Variants in PCDHGB3 observed in about 807,000 individuals in gnomAD.
PCDHGB3 encodes protocadherin gamma subfamily B, 3.
A neutral mutation model predicts 59.2 loss-of-function variants in PCDHGB3; 40 were observed. That is an observed-to-expected ratio of 0.68 (90% CI 0.52 to 0.88). PCDHGB3 has a LOEUF of 0.88. PCDHGB3 is among the 40% of genes least tolerant of loss of function. The pLI, the probability that PCDHGB3 is intolerant of heterozygous loss-of-function variation, is 0.00. For synonymous variants in PCDHGB3, 581 were observed against 503.6 expected (o/e 1.15, Z -2.06); for missense variants, 1,309 against 1,187.9 (o/e 1.10, Z -1.50).
In PCDHGB3 at chr5:141,375,771, T is replaced by C. The variant is rs570278414; in HGVS notation, c.2415+2962T>C. ...CAGAATGACAATGCGCCCGAGATCC[T>C]GTACCCCGCCCTCCCCACAGACGGT... On this transcript the variant is annotated intron_variant, in intron 1 of 3. Transcript: ENST00000576222. 16 of 1,614,130 alleles carry C rather than the reference T, an allele frequency of 9.9e-6. No individual in the cohort carries two copies. Among genetic ancestry groups the C allele is most frequent in the Middle Eastern group, 1.6e-4 (1 of 6,084 alleles).
rs751905674 is a variant in PCDHGB3, at chr5:141,408,643, C to A, written c.2415+35834C>A. On this transcript the variant is annotated intron_variant, in intron 1 of 3. Coordinates refer to ENST00000576222, the MANE Select transcript of PCDHGB3 (RefSeq NM_018924.5). ...ATTTAGAAATTTTCGAATCTGCATCCGCTGGTACACGACTATCGCTTGACC... is the reference window on the plus strand; with the variant it reads ...ATTTAGAAATTTTCGAATCTGCATCAGCTGGTACACGACTATCGCTTGACC... 13 of 1,613,792 alleles carry A rather than the reference C, an allele frequency of 8.1e-6. No homozygotes were observed. The African/African-American group carries it at 1.6e-4, about 20-fold the overall frequency.
intron 1 of PCDHGB3, among the ~76,000 whole-genome samples, chr5:141,462,771 G>C (rs1295560657): frequency 6.6e-6 from 1 of 152,088 alleles, no homozygotes; most frequent in Non-Finnish European, 1.5e-5. Context: ...CTGGCTTGGG[G>C]TCATAATTTG....
At chr5:141,418,891 C>T in intron 1 of PCDHGB3, 2 of 1,613,842 alleles carry the variant, frequency 1.2e-6, no homozygotes, top group South Asian at 2.2e-5. Flanking sequence ...ACGACAACAG[C>T]CCAGAAATAA....
intron 1 of PCDHGB3, among the ~76,000 whole-genome samples, chr5:141,438,792 G>T (rs2098065674): frequency 6.7e-6 from 1 of 149,346 alleles, no homozygotes. Flanking sequence ...CTCTCCAGTA[G>T]CTGGGATTAC....
At chr5:141,403,219 G>A in intron 1 of PCDHGB3, 1 of 1,613,980 alleles carries the variant, frequency 6.2e-7, no homozygotes, top group South Asian at 1.1e-5. Flanking sequence ...CCGCGGGTAG[G>A]ATAGACCGGG....
chr5:141,431,474 G>T lies in PCDHGB3; in HGVS notation c.2415+58665G>T, dbSNP rs747313827. 3.7e-6 allele frequency: 6 copies of T among 1,613,842 alleles called. No homozygotes were observed. The South Asian group carries it at 6.6e-5, about 18-fold the overall frequency. ...GATGGTTCTGGATGCGAACGACAAC[G>T]CACCAGCGTTTGCTCAGCCCGAGTA... is the stretch of plus-strand genomic sequence containing the variant. On this transcript the variant is annotated intron_variant, in intron 1 of 3. Transcript: ENST00000576222. The surrounding 1 kb of genome is among the most constrained non-coding windows in gnomAD (Gnocchi z 4.8).
At chr5:141,465,905 G>C (rs938438286) in intron 1 of PCDHGB3, among the ~76,000 whole-genome samples, 8 of 151,958 alleles carry the variant, frequency 5.3e-5, no homozygotes, top group Non-Finnish European at 8.8e-5. Context: ...GGCAAATCAC[G>C]AGGTCAGGAT....
intron 1 of PCDHGB3, among the ~76,000 whole-genome samples, chr5:141,463,545 T>C (rs1433047951): frequency 6.8e-6 from 1 of 146,704 alleles, no homozygotes; most frequent in East Asian, 2.1e-4. Flanking sequence ...GGCTCCCGGG[T>C]TCATGCCATT....
rs181806844 is a variant in PCDHGB3 at position 141,445,046 on chromosome 5, G to T, written c.2416-49761G>T. Among the ~76,000 whole-genome samples the T allele has an allele frequency of 1.2e-4, 19 of 152,248 alleles. No individual in the cohort carries two copies. The East Asian group carries it at 3.7e-3, about 29-fold the overall frequency. ...TCAGCTATGTTGTATAGTTTTCAGT[G>T]TAGAGAGGTCATGTATATTTCTCAT... On this transcript the variant is annotated intron_variant, in intron 1 of 3. Transcript: ENST00000576222.
At chr5:141,449,156 G>T (rs4432943) in intron 1 of PCDHGB3, among the ~76,000 whole-genome samples, 84,481 of 151,978 alleles carry the variant, frequency 0.56, 26,202 homozygotes, top group African/African-American at 0.85. Context: ...GGTCAAAGAG[G>T]AAATAGGTGT....
intron 1 of PCDHGB3, chr5:141,374,306 TTC>T (rs1561562207): frequency 6.2e-7 from 1 of 1,613,958 alleles, no homozygotes. Context: ...GATGCAGCTT[TTC>T]TCTCTGAATC....
In PCDHGB3 at chr5:141,489,744, C is replaced by T. The variant is rs185263705; in HGVS notation, c.2416-5063C>T. The T allele has an allele frequency of 1.1e-5, 18 of 1,614,144 alleles. No homozygotes were observed. In the Admixed American group the frequency reaches 2.8e-4, roughly 25 times the overall value. Reference sequence around the variant, plus strand: ...CGGATGTGGGCACCAATACTGTGAGCTTTTACACTCTAAGCCCCAACAGCC... The same window carrying T: ...CGGATGTGGGCACCAATACTGTGAGTTTTTACACTCTAAGCCCCAACAGCC... On this transcript the variant is annotated intron_variant, in intron 1 of 3. Transcript: ENST00000576222. This position sits in a 1 kb window ranked among gnomAD's most constrained non-coding sequence, Gnocchi z 4.5.
chr5:141,486,884 C>G lies in PCDHGB3; in HGVS notation c.2416-7923C>G, dbSNP rs1272694679. On this transcript the variant is annotated intron_variant, in intron 1 of 3. Transcript: ENST00000576222. The surrounding 1 kb of genome is among the most constrained non-coding windows in gnomAD (Gnocchi z 5.0). ...TCCAGCTGTGCTCCGTCCTCGGGCC[C>G]GGCCTGGTTCCTTATGTCCCCAAGC... The G allele has an allele frequency of 6.2e-7, 1 of 1,614,224 alleles. No homozygotes were observed. The highest frequency in any genetic ancestry group is 8.5e-7 in the Non-Finnish European group (1 of 1,180,046).
Position 141,414,386 on chromosome 5 carries a change from G to A in PCDHGB3, c.2415+41577G>A, listed in dbSNP as rs746637010. On this transcript the variant is annotated intron_variant, in intron 1 of 3. Transcript: ENST00000576222. ...TTTAAATTAGAAAAGTCCATTGACA[G>A]TTATTACAGATTGGTGATACACAGA... is the stretch of plus-strand genomic sequence containing the variant. The A allele has an allele frequency of 1.9e-6, 3 of 1,613,906 alleles. No homozygotes were observed. The Admixed American group carries it at 5.0e-5, about 27-fold the overall frequency.
chr5:141,380,182 G>A (rs997433342), intron 1 of PCDHGB3, among the ~76,000 whole-genome samples: 1 of 152,142 alleles, frequency 6.6e-6, no homozygotes, highest in Non-Finnish European at 1.5e-5. Context: ...TTACAGGCAT[G>A]AGCCACTGAG....
intron 1 of PCDHGB3, chr5:141,417,926 C>T (rs779409064): frequency 6.2e-7 from 1 of 1,610,108 alleles, no homozygotes; most frequent in East Asian, 2.2e-5. Context: ...TTTGCTGCTG[C>T]CTTTGTTCTA....
chr5:141,415,686 G>T, intron 1 of PCDHGB3: 2 of 1,535,424 alleles, frequency 1.3e-6, no homozygotes, highest in Middle Eastern at 1.7e-4. Flanking sequence ...GCGGCATGAT[G>T]GTGGAAAGTG....
chr5:141,464,271 A>AT (rs1336006891), intron 1 of PCDHGB3, among the ~76,000 whole-genome samples: 1 of 136,538 alleles, frequency 7.3e-6, no homozygotes, highest in Non-Finnish European at 1.5e-5. Flanking sequence ...TCTAAAAAAA[A>AT]AAAAAAGCAA....
intron 3 of PCDHGB3, among the ~76,000 whole-genome samples, chr5:141,506,879 G>T (rs958969109): frequency 6.6e-6 from 1 of 152,172 alleles, no homozygotes; most frequent in Non-Finnish European, 1.5e-5. Flanking sequence ...AGAACCAGGT[G>T]AAATCACAAG....
Sources: gnomAD v4.1 joint callset for allele counts (sites outside exome capture counted in the v4.1 genomes callset) on GRCh38, gnomAD v4.1.1 for gene constraint, Gnocchi (gnomAD v3.1) non-coding constraint, MANE v1.5 for transcripts, NCBI Gene and HGNC (gene_info 2026-07-23, HGNC 2026-07-21) for gene names.